Variants in GALNTL6 observed in about 807,000 individuals in gnomAD.
The protein encoded by GALNTL6 is polypeptide N-acetylgalactosaminyltransferase like 6.
Under a neutral mutation model 73.7 loss-of-function variants are expected in GALNTL6, and 46 were observed. The observed-to-expected ratio is 0.62, with a 90% CI of 0.49 to 0.80. GALNTL6 has a LOEUF of 0.80. GALNTL6 is among the 30% of genes least tolerant of loss of function. GALNTL6 has a pLI of 0.00. For synonymous variants in GALNTL6, 259 were observed against 263.7 expected (o/e 0.98, Z 0.17); for missense variants, 604 against 755.0 (o/e 0.80, Z 2.34).
chr4:172,598,972 T>C (rs534218086), intron 5 of GALNTL6, among the ~76,000 whole-genome samples: 42 of 152,162 alleles, frequency 2.8e-4, no homozygotes, highest in Non-Finnish European at 6.2e-4. Context: ...AGTAAGATTA[T>C]GGAGGAAACG....
chr4:172,362,685 G>A (rs1218368540), intron 5 of GALNTL6, among the ~76,000 whole-genome samples: 1 of 152,110 alleles, frequency 6.6e-6, no homozygotes, highest in East Asian at 1.9e-4. Flanking sequence ...GGAGCTAGAA[G>A]GCACACTGAT....
intron 2 of GALNTL6, among the ~76,000 whole-genome samples, chr4:171,954,101 G>A (rs750714775): frequency 2.0e-5 from 3 of 151,994 alleles, no homozygotes; most frequent in Non-Finnish European, 4.4e-5. Flanking sequence ...AAGCACATAC[G>A]CTAAAAAAAT....
chr4:172,943,874 G>A (rs575858428), intron 9 of GALNTL6, among the ~76,000 whole-genome samples: 1 of 152,226 alleles, frequency 6.6e-6, no homozygotes, highest in Admixed American at 6.5e-5. Flanking sequence ...AAGGTATAAA[G>A]GTATACATTG....
intron 2 of GALNTL6, chr4:172,052,471 T>G: frequency 6.5e-7 from 1 of 1,535,198 alleles, no homozygotes; most frequent in Non-Finnish European, 8.7e-7. Flanking sequence ...GAGCCGGAGC[T>G]GGCCACCAGA....
At chr4:172,055,684 C>G (rs1293391484) in intron 2 of GALNTL6, among the ~76,000 whole-genome samples, 1 of 152,152 alleles carries the variant, frequency 6.6e-6, no homozygotes, top group Non-Finnish European at 1.5e-5. Context: ...TAAGCAGGTC[C>G]TCTGGGCTGG....
chr4:172,013,316 C>T (rs1056506053), intron 2 of GALNTL6, among the ~76,000 whole-genome samples: 1 of 152,014 alleles, frequency 6.6e-6, no homozygotes, highest in Non-Finnish European at 1.5e-5. Flanking sequence ...TGGGCAACTA[C>T]CCATCTCTTT....
chr4:172,983,804 C>T (rs1435646110), intron 10 of GALNTL6, among the ~76,000 whole-genome samples: 1 of 152,118 alleles, frequency 6.6e-6, no homozygotes, highest in African/African-American at 2.4e-5. Context: ...CCGCTGCAAA[C>T]TCTCAATAAA....
chr4:172,451,738 G>A (rs1732220066), intron 5 of GALNTL6, among the ~76,000 whole-genome samples: 2 of 152,298 alleles, frequency 1.3e-5, no homozygotes, highest in South Asian at 2.1e-4. Flanking sequence ...AGGTGCAGTG[G>A]CGCATGCCTG....
intron 11 of GALNTL6, among the ~76,000 whole-genome samples, chr4:173,020,010 A>T (rs1327592695): frequency 6.6e-6 from 1 of 152,224 alleles, no homozygotes; most frequent in African/African-American, 2.4e-5. Context: ...GGTTTCCCTG[A>T]CAGCTCTTTT....
chr4:171,989,042 G>A (rs1170924714), intron 2 of GALNTL6, among the ~76,000 whole-genome samples: 6 of 152,200 alleles, frequency 3.9e-5, no homozygotes, highest in African/African-American at 1.4e-4. Flanking sequence ...CTAAAAAGGA[G>A]TGCTTAAAAG....
In GALNTL6 at chr4:172,797,330, T is replaced by C. The variant is rs545582845; in HGVS notation, c.554-12031T>C. Among the ~76,000 whole-genome samples, 4 of 152,234 alleles carry C rather than the reference T, an allele frequency of 2.6e-5. No homozygotes were observed. The South Asian group carries it at 8.3e-4, about 32-fold the overall frequency. ...CTATGGATATCGGCTCACTGCAACC[T>C]CCGCCTCCCTGGTTCAAGCAATTAT... On this transcript the variant is annotated intron_variant, in intron 5 of 12. Transcript: ENST00000506823.
At chr4:172,747,126 T>A (rs1190282529) in intron 5 of GALNTL6, among the ~76,000 whole-genome samples, 2 of 152,114 alleles carry the variant, frequency 1.3e-5, no homozygotes, top group African/African-American at 2.4e-5. Context: ...TTTAACTAAG[T>A]AATTTAACCC....
chr4:172,130,966 C>G (rs1733473204), intron 2 of GALNTL6, among the ~76,000 whole-genome samples: 1 of 151,966 alleles, frequency 6.6e-6, no homozygotes, highest in Non-Finnish European at 1.5e-5. Context: ...ATGAGTATAC[C>G]TCATGTAATA....
chr4:171,953,818 A>G (rs977871111), intron 2 of GALNTL6, among the ~76,000 whole-genome samples: 3 of 152,186 alleles, frequency 2.0e-5, no homozygotes, highest in Admixed American at 2.0e-4. Flanking sequence ...CAGTAAAGGC[A>G]TGGGGATTTA....
At chr4:172,709,089 A>G (rs190888441) in intron 5 of GALNTL6, among the ~76,000 whole-genome samples, 2 of 152,270 alleles carry the variant, frequency 1.3e-5, no homozygotes, top group East Asian at 1.9e-4. Flanking sequence ...GGGTGATTTC[A>G]TGCCCACATG....
chr4:172,315,020 G>C (rs898856922), intron 4 of GALNTL6, among the ~76,000 whole-genome samples: 1 of 152,082 alleles, frequency 6.6e-6, no homozygotes, highest in Non-Finnish European at 1.5e-5. Flanking sequence ...TCCTTAAGTA[G>C]GAGCCATAGA....
chr4:172,844,731 G>A (rs1218726892), intron 7 of GALNTL6, among the ~76,000 whole-genome samples: 1 of 152,134 alleles, frequency 6.6e-6, no homozygotes, highest in Non-Finnish European at 1.5e-5. Context: ...GTGTGACAGT[G>A]TTCTCAGGGT....
chr4:172,682,930 T>TCTGC (rs3084329), intron 5 of GALNTL6, among the ~76,000 whole-genome samples: 3 of 244 alleles, frequency 0.012, no homozygotes, highest in Admixed American at 0.12. Flanking sequence ...TTATATTGTC[T>TCTGC]CTGTTGATTA....
chr4:172,822,093 G>A (rs1741965053), intron 7 of GALNTL6, among the ~76,000 whole-genome samples: 1 of 152,148 alleles, frequency 6.6e-6, no homozygotes, highest in African/African-American at 2.4e-5. Flanking sequence ...TACCTCAACA[G>A]GATGTTCCCT....
Sources: allele counts gnomAD v4.1 joint callset (sites outside exome capture counted in the v4.1 genomes callset), GRCh38; gene constraint gnomAD v4.1.1; transcripts MANE v1.5; gene names NCBI Gene and HGNC (gene_info 2026-07-23, HGNC 2026-07-21).